Variants in RABGAP1 observed in about 807,000 individuals in gnomAD.
RABGAP1 encodes the protein rab GTPase-activating protein 1.
RABGAP1 carries 23 observed loss-of-function variants against 137.6 expected under a neutral mutation model. The observed-to-expected ratio is 0.17, with a 90% CI of 0.12 to 0.24. The LOEUF (loss-of-function observed/expected upper bound fraction) is 0.24. Among genes scored for constraint, RABGAP1 ranks in the 10% least tolerant of loss-of-function variants. The pLI is 1.00. For missense variants in RABGAP1, 906 were observed against 1,275.8 expected (o/e 0.71, Z 4.42); for synonymous variants, 451 against 450.7 (o/e 1.00, Z -0.01).
At chr9:123,089,558 C>T (rs1285249089) in intron 19 of RABGAP1, 200 bp from the exon 20 acceptor site, 1 of 514,612 alleles carries the variant, frequency 1.9e-6, no homozygotes, top group Non-Finnish European at 3.5e-6. Context: ...ACATCTCCAA[C>T]AGAACTCTAA....
At chr9:123,010,606 A>T in intron 11 of RABGAP1, 78 bp downstream of exon 11, 1 of 1,329,830 alleles carries the variant, frequency 7.5e-7, no homozygotes. Flanking sequence ...CAGGGGATTG[A>T]TAATGTGATA....
intron 1 of RABGAP1, among the ~76,000 whole-genome samples, chr9:122,955,977 C>T (rs147138479): frequency 4.8e-4 from 73 of 152,184 alleles, no homozygotes; most frequent in African/African-American, 1.7e-3. Flanking sequence ...TGAAACATTG[C>T]CACAAAGTTT....
chr9:123,104,374 G>GT lies in RABGAP1; in HGVS notation c.*1162dup, dbSNP rs1440423677. 3 of 151,350 alleles carry GT rather than the reference G, an allele frequency of 2.0e-5. No homozygotes were observed. Among genetic ancestry groups the GT allele is most frequent in the African/African-American group, 7.3e-5 (3 of 40,942 alleles). 9.4% of individuals were successfully genotyped at this position (151,350 alleles called of 1,614,324 possible). ...ACAAACCTCACTGTTCAGATGGGCTGTAAGTTCTCACTTCAAAGCTATGGA... is the reference window on the plus strand; with the variant it reads ...ACAAACCTCACTGTTCAGATGGGCTGTTAAGTTCTCACTTCAAAGCTATGGA... On this transcript the variant is annotated 3_prime_UTR_variant, in exon 26 of 26. Transcript: ENST00000373647.
intron 2 of RABGAP1, among the ~76,000 whole-genome samples, chr9:122,973,222 T>C (rs1180397889): frequency 6.6e-6 from 1 of 152,186 alleles, no homozygotes; most frequent in Non-Finnish European, 1.5e-5. Flanking sequence ...TAGTGTTTCT[T>C]ATGCAGAAAG....
intron 14 of RABGAP1, among the ~76,000 whole-genome samples, chr9:123,065,812 G>A (rs1223565839): frequency 1.3e-5 from 2 of 152,274 alleles, no homozygotes; most frequent in Admixed American, 6.5e-5. Flanking sequence ...GATGAACTTG[G>A]CACCTACGGT....
At chr9:123,040,571 T>C (rs955119936) in intron 13 of RABGAP1, among the ~76,000 whole-genome samples, 1 of 152,200 alleles carries the variant, frequency 6.6e-6, no homozygotes, top group African/African-American at 2.4e-5. Context: ...TTGCAAGTCT[T>C]AGTAGTCTGC....
intron 10 of RABGAP1, 124 bp downstream of exon 10, chr9:122,998,890 AT>A: frequency 1.8e-6 from 1 of 557,262 alleles, no homozygotes; most frequent in Non-Finnish European, 2.8e-6. Flanking sequence ...AAGAGGAAAA[AT>A]TATATTTTTC....
chr9:123,064,100 C>G (rs971164687), intron 13 of RABGAP1, among the ~76,000 whole-genome samples: 1 of 152,292 alleles, frequency 6.6e-6, no homozygotes, highest in African/African-American at 2.4e-5. Context: ...CGCTTGCTCT[C>G]CCTCTCTCTC....
chr9:122,997,782 A>C (rs991879091), intron 9 of RABGAP1, among the ~76,000 whole-genome samples: 2 of 152,228 alleles, frequency 1.3e-5, no homozygotes, highest in African/African-American at 2.4e-5. Context: ...TACTCTATGC[A>C]TAAAGTATCT....
intron 19 of RABGAP1, among the ~76,000 whole-genome samples, chr9:123,079,239 G>GTTTTTT (rs56098560): frequency 4.7e-5 from 5 of 106,674 alleles, no homozygotes; most frequent in African/African-American, 1.4e-4. Context: ...GTTTTGTTTT[G>GTTTTTT]TTTTTTTTTT....
intron 21 of RABGAP1, among the ~76,000 whole-genome samples, chr9:123,094,376 G>C (rs2035119448): frequency 6.6e-6 from 1 of 152,150 alleles, no homozygotes; most frequent in Non-Finnish European, 1.5e-5. Context: ...CCTGTTTGCT[G>C]AGAGTTTTTG....
chr9:122,931,925 A>T, the RABGAP1 span, among the ~76,000 whole-genome samples: 3 of 151,480 alleles, frequency 2.0e-5, no homozygotes, highest in East Asian at 5.9e-4. Flanking sequence ...CGGGAGCCCG[A>T]AGAGCAGAAA....
rs376297981 is a variant in RABGAP1 at position 123,034,826 on chromosome 9, T to C, written c.1794+14367T>C. 9 of 1,613,918 alleles carry C rather than the reference T, an allele frequency of 5.6e-6. No homozygotes were observed. In the African/African-American group the frequency reaches 1.1e-4, roughly 19 times the overall value. On this transcript the variant is annotated intron_variant, in intron 13 of 25. Coordinates refer to ENST00000373647, the MANE Select transcript of RABGAP1 (RefSeq NM_012197.4). Reference sequence around the variant, plus strand: ...GGGGTGAGCTGCGTGGTCCCTTCTTTATCACTCCTCCATCACCCCCTTCCA... The same window carrying C: ...GGGGTGAGCTGCGTGGTCCCTTCTTCATCACTCCTCCATCACCCCCTTCCA...
At position 123,065,419 on chromosome 9, in the gene RABGAP1, C is replaced by T; in HGVS notation, c.1866C>T (p.Asp622=). 1 of 1,612,140 alleles carries T rather than the reference C, an allele frequency of 6.2e-7. No homozygotes were observed. Among genetic ancestry groups the T allele is most frequent in the Non-Finnish European group, 8.5e-7 (1 of 1,178,722 alleles). ...RTFPAHDYFK[D]TGGDGQDSLY... ...TCCCAGCCCATGACTACTTTAAGGA[C>T]ACAGGAGGAGATGGACAAGATTCCT... The change falls in exon 14 of 26, where the codon GAC becomes GAT. Residue 622 remains aspartate (D), a synonymous_variant. Transcript: ENST00000373647.
At chr9:122,996,371 A>G in intron 7 of RABGAP1, 168 bp from the exon 8 acceptor site, 1 of 1,090,832 alleles carries the variant, frequency 9.2e-7, no homozygotes, top group Non-Finnish European at 1.3e-6. Flanking sequence ...AGGCAAACGG[A>G]ATTAGCTGAC....
At chr9:122,945,305 A>G (rs1833891194) in intron 1 of RABGAP1, 1 of 152,040 alleles carries the variant, frequency 6.6e-6, no homozygotes, top group Admixed American at 6.6e-5. Context: ...CGTTGACCCT[A>G]ACAGCCTTGT....
chr9:122,966,524 G>A (rs529235046), intron 2 of RABGAP1, among the ~76,000 whole-genome samples: 10 of 151,358 alleles, frequency 6.6e-5, no homozygotes, highest in African/African-American at 9.7e-5. Flanking sequence ...ACTCCATCTC[G>A]AAAAAATAAA....
chr9:123,065,905 T>A (rs549587485), intron 14 of RABGAP1, among the ~76,000 whole-genome samples: 24 of 152,300 alleles, frequency 1.6e-4, no homozygotes, highest in African/African-American at 5.5e-4. Context: ...AGATTCTGAT[T>A]TCTCTCAAAA....
Position 123,021,293 on chromosome 9 carries a change from T to A in RABGAP1, c.1794+834T>A, listed in dbSNP as rs1240317235. On this transcript the variant is annotated intron_variant, in intron 13 of 25. Coordinates refer to ENST00000373647, the MANE Select transcript of RABGAP1 (RefSeq NM_012197.4). ...GATATCTCTCTGTAAAGCTGTTATT[T>A]AAAAAAAAAAAAAAAACCTTATAAG... is the stretch of plus-strand genomic sequence containing the variant. Among the ~76,000 whole-genome samples, 43 of 127,374 alleles carry A rather than the reference T, an allele frequency of 3.4e-4. No homozygotes were observed. The East Asian group carries it at 4.1e-3, about 12-fold the overall frequency. 83.6% of individuals were successfully genotyped at this position (127,374 alleles called of 152,430 possible).
Sources: gnomAD v4.1 joint callset for allele counts (sites outside exome capture counted in the v4.1 genomes callset) on GRCh38, gnomAD v4.1.1 for gene constraint, MANE v1.5 for transcripts, NCBI Gene and HGNC (gene_info 2026-07-23, HGNC 2026-07-21) for gene names.